The following DNER variants were observed in gnomAD, a reference collection of about 807,000 sequenced individuals.
The protein encoded by DNER is delta/notch like EGF repeat containing, also known as delta and Notch-like epidermal growth factor-related receptor.
In DNER, 33 loss-of-function variants were observed where a neutral mutation model predicts 78.2. The ratio of observed to expected loss-of-function variants is 0.42; its 90% confidence interval spans 0.32 to 0.56. The LOEUF is 0.56. Ranked by LOEUF, DNER falls within the 20% of genes least tolerant of loss-of-function variation. DNER has a pLI of 0.11. For missense variants in DNER, 918 were observed against 975.3 expected (o/e 0.94, Z 0.78); for synonymous variants, 417 against 384.8 (o/e 1.08, Z -0.98).
chr2:229,665,946 C>G (rs527260057), intron 1 of DNER, among the ~76,000 whole-genome samples: 22 of 152,280 alleles, frequency 1.4e-4, no homozygotes, highest in Admixed American at 3.3e-4. Context: ...CTGTGCATGC[C>G]AGATAAATAT....
At chr2:229,558,572 C>T (rs1696897030) in intron 4 of DNER, among the ~76,000 whole-genome samples, 2 of 152,076 alleles carry the variant, frequency 1.3e-5, no homozygotes, top group African/African-American at 4.8e-5. Flanking sequence ...TAAATCATAA[C>T]TGTATATATT....
chr2:229,420,268 G>A (rs1341713738), intron 8 of DNER, among the ~76,000 whole-genome samples: 1 of 152,240 alleles, frequency 6.6e-6, no homozygotes, highest in East Asian at 1.9e-4. Flanking sequence ...CAAGTTTGCT[G>A]ATTCTTGATT....
rs577090401 is a variant in DNER, at chr2:229,619,767, A to G, written c.277-27879T>C. 2.6e-5 allele frequency among the ~76,000 whole-genome samples: 4 copies of G among 152,356 alleles called. No homozygotes were observed. The East Asian group carries it at 7.7e-4, about 29-fold the overall frequency. On this transcript the variant is annotated intron_variant, in intron 1 of 12. Coordinates refer to ENST00000341772, the MANE Select transcript of DNER (RefSeq NM_139072.4). ...AAGTAATTTATCAAATGCTAGGTAA[A>G]GGAGCTGGTACTATATTTTAAATAA...
chr2:229,549,452 C>T (rs576107169), intron 4 of DNER, among the ~76,000 whole-genome samples: 1 of 152,284 alleles, frequency 6.6e-6, no homozygotes, highest in South Asian at 2.1e-4. Context: ...ATTACAGGCA[C>T]CTGCCATCAC....
chr2:229,548,619 G>A (rs1696668805), intron 4 of DNER, among the ~76,000 whole-genome samples: 1 of 152,140 alleles, frequency 6.6e-6, no homozygotes, highest in Non-Finnish European at 1.5e-5. Flanking sequence ...GGGAGGGACA[G>A]CATTAGGAGA....
intron 12 of DNER, among the ~76,000 whole-genome samples, chr2:229,362,866 G>C (rs375774500): frequency 1.3e-4 from 20 of 152,288 alleles, no homozygotes; most frequent in African/African-American, 4.6e-4. Flanking sequence ...TATAAGGCAG[G>C]TCAAAGAGCC....
rs189027240 is a variant in DNER, at chr2:229,368,158, T to C, written c.1856-1039A>G. ...AGGCAGATTGTTTTGAGCTTAGGAG[T>C]TTGAGACCAGCCTGAGCAGTATGGC... On this transcript the variant is annotated intron_variant, in intron 11 of 12. Coordinates refer to ENST00000341772, the MANE Select transcript of DNER (RefSeq NM_139072.4). Among the ~76,000 whole-genome samples, 3 of 151,820 alleles carry C rather than the reference T, an allele frequency of 2.0e-5. No homozygotes were observed. The East Asian group carries it at 5.8e-4, about 29-fold the overall frequency.
chr2:229,630,600 C>T (rs1194083254), intron 1 of DNER, among the ~76,000 whole-genome samples: 1 of 151,696 alleles, frequency 6.6e-6, no homozygotes, highest in Non-Finnish European at 1.5e-5. Flanking sequence ...TATATTTGGA[C>T]AGAGGCTTTT....
chr2:229,439,428 T>G (rs1694189451), intron 8 of DNER, among the ~76,000 whole-genome samples: 1 of 152,216 alleles, frequency 6.6e-6, no homozygotes, highest in Non-Finnish European at 1.5e-5. Context: ...CCAGTTATGT[T>G]TGTCTGCATT....
intron 1 of DNER, among the ~76,000 whole-genome samples, chr2:229,702,785 C>T (rs768206648): frequency 1.6e-4 from 24 of 147,580 alleles, no homozygotes; most frequent in South Asian, 2.2e-4. Flanking sequence ...GGCGTGGTGG[C>T]GGGCGCCTGT....
At chr2:229,440,002 G>A (rs945992639) in intron 8 of DNER, among the ~76,000 whole-genome samples, 2 of 152,196 alleles carry the variant, frequency 1.3e-5, no homozygotes, top group African/African-American at 4.8e-5. Context: ...AGTGGTGGGA[G>A]CAGAAATCCC....
intron 1 of DNER, among the ~76,000 whole-genome samples, chr2:229,713,542 C>T (rs1184678377): frequency 6.6e-6 from 1 of 152,240 alleles, no homozygotes; most frequent in Non-Finnish European, 1.5e-5. Flanking sequence ...TCCAACACTG[C>T]TCCTAAGCTT....
intron 1 of DNER, among the ~76,000 whole-genome samples, chr2:229,700,217 AC>A (rs1699721595): frequency 6.6e-6 from 1 of 151,870 alleles, no homozygotes; most frequent in African/African-American, 2.4e-5. Flanking sequence ...AAATTCTCCA[AC>A]CTTTTTGGAT....
intron 4 of DNER, among the ~76,000 whole-genome samples, chr2:229,561,339 A>G (rs1696956189): frequency 6.6e-6 from 1 of 152,170 alleles, no homozygotes; most frequent in Middle Eastern, 3.2e-3. Context: ...AATTGTAAAG[A>G]TACTGTGATG....
At chr2:229,681,412 T>C (rs773210948) in intron 1 of DNER, among the ~76,000 whole-genome samples, 1 of 152,134 alleles carries the variant, frequency 6.6e-6, no homozygotes, top group Non-Finnish European at 1.5e-5. Flanking sequence ...AAAAGAACCA[T>C]TGGCTCCCAG....
chr2:229,588,645 A>G (rs1697544991), intron 2 of DNER, among the ~76,000 whole-genome samples, 157 bp from the exon 3 acceptor site: 1 of 152,222 alleles, frequency 6.6e-6, no homozygotes, highest in Admixed American at 6.5e-5. Flanking sequence ...TACAAACTCA[A>G]AAGAAAATGA....
At chr2:229,705,820 G>A (rs779857281) in intron 1 of DNER, among the ~76,000 whole-genome samples, 1 of 152,142 alleles carries the variant, frequency 6.6e-6, no homozygotes, top group Admixed American at 6.6e-5. Context: ...TTGAGGAAAC[G>A]GGGTTTAGGA....
At chr2:229,613,832 A>C (rs1698096751) in intron 1 of DNER, among the ~76,000 whole-genome samples, 1 of 152,098 alleles carries the variant, frequency 6.6e-6, no homozygotes, top group African/African-American at 2.4e-5. Context: ...CAAGCCCCCA[A>C]ATCATTAGTC....
rs536052272 is a variant in DNER at position 229,543,790 on chromosome 2, G to C, written c.993+3157C>G. ...TCTCCCATAGACAAGTCCTGCATAT[G>C]AAAAAGAAATTATATTGAAATGTGA... On this transcript the variant is annotated intron_variant, in intron 5 of 12. Transcript: ENST00000341772. Among the ~76,000 whole-genome samples the C allele has an allele frequency of 3.7e-4, 56 of 152,270 alleles. No individual in the cohort carries two copies. In the East Asian group the frequency reaches 8.9e-3, roughly 24 times the overall value.
Sources: gnomAD v4.1 joint callset for allele counts (sites outside exome capture counted in the v4.1 genomes callset) on GRCh38, gnomAD v4.1.1 for gene constraint, MANE v1.5 for transcripts, NCBI Gene and HGNC (gene_info 2026-07-23, HGNC 2026-07-21) for gene names.